WDR18: variants seen among roughly 807,000 people sequenced by gnomAD.
The protein encoded by WDR18 is WD repeat-containing protein 18.
In WDR18, 33 loss-of-function variants were observed where a neutral mutation model predicts 49.6. That is an observed-to-expected ratio of 0.67 (90% CI 0.50 to 0.89). The LOEUF is 0.89. Ranked by LOEUF, WDR18 falls within the 40% of genes least tolerant of loss-of-function variation. WDR18 has a pLI of 0.00. For missense variants in WDR18, 653 were observed against 593.6 expected (o/e 1.10, Z -1.04); for synonymous variants, 315 against 263.6 (o/e 1.19, Z -1.89).
At chr19:983,704 G>A (rs2038442337), upstream of WDR18, among the ~76,000 whole-genome samples, 1 of 152,014 alleles carries the variant, frequency 6.6e-6, no homozygotes, top group East Asian at 1.9e-4. Flanking sequence ...AGATGTTGAG[G>A]CCCCTAAAGA....
intron 4 of WDR18, 60 bp from the exon 5 acceptor site, chr19:990,792 C>T: frequency 6.5e-7 from 1 of 1,538,646 alleles, no homozygotes; most frequent in South Asian, 1.3e-5. Flanking sequence ...GCCCCTGTTC[C>T]CATGGGGTCC....
intron 7 of WDR18, 50 bp downstream of exon 7, chr19:991,401 A>T (rs2038546476): frequency 7.7e-7 from 1 of 1,293,480 alleles, no homozygotes; most frequent in Non-Finnish European, 1.0e-6. Context: ...GGAAAAAGCC[A>T]GCAGGAGCTC....
chr19:982,979 C>A (rs1957008272), upstream of WDR18, among the ~76,000 whole-genome samples: 4 of 152,188 alleles, frequency 2.6e-5, no homozygotes, highest in South Asian at 4.1e-4. Flanking sequence ...GGAGTCGCAC[C>A]GCCTCCGGGG....
chr19:989,282 C>T (rs967568415), intron 2 of WDR18, among the ~76,000 whole-genome samples: 11 of 151,212 alleles, frequency 7.3e-5, no homozygotes, highest in Admixed American at 5.3e-4. Flanking sequence ...GGCTCCCTGT[C>T]CTCTTCCTCA....
Position 991,326 on chromosome 19 carries a change from G to C in WDR18, c.906G>C (p.Gln302His). ...GCCTCTGGGACGTGCAGAGCAAGCAGTGCATCCGGACGGTGGCCCTCAAAG... is the reference window on the plus strand; with the variant it reads ...GCCTCTGGGACGTGCAGAGCAAGCACTGCATCCGGACGGTGGCCCTCAAAG... Reference protein sequence around the residue: ...TVRLWDVQSKQCIRTVALKGP... With the variant: ...TVRLWDVQSKHCIRTVALKGP... The change falls in exon 7 of 10, where the codon CAG (glutamine) becomes CAC (histidine). Residue 302 changes from glutamine to histidine, a missense_variant. Physicochemically the swap from Gln to His is conservative, Grantham distance 24. Coordinates refer to ENST00000585809, the MANE Select transcript of WDR18 (RefSeq NM_024100.4). 2.6e-6 allele frequency: 4 copies of C among 1,557,890 alleles called. No homozygotes were observed. The highest frequency in any genetic ancestry group is 3.5e-6 in the Non-Finnish European group (4 of 1,151,184).
upstream of WDR18, chr19:984,190 A>C: frequency 1.3e-6 from 1 of 751,252 alleles, no homozygotes; most frequent in South Asian, 2.2e-5. Context: ...GTCTCAGGTA[A>C]GCGGGAAATC....
At chr19:983,961 G>A (rs2038445543), upstream of WDR18, among the ~76,000 whole-genome samples, 1 of 152,150 alleles carries the variant, frequency 6.6e-6, no homozygotes, top group Admixed American at 6.6e-5. Flanking sequence ...CTCTCTTTTA[G>A]GCGCAATGTG....
Position 984,368 on chromosome 19 carries a change from G to T in WDR18, c.15G>T (p.Met5Ile). Residue 5 changes from methionine (M) to isoleucine (I), a missense_variant, in exon 1 of 10, where the codon ATG becomes ATT. By Grantham distance (10) the Met-to-Ile change is conservative. Transcript: ENST00000585809. The stretch of plus-strand genomic sequence containing the variant: ...GGGAAGGCAAGATGGCGGCGCCCAT[G>T]GAGGTGGCCGTGTGTACGGACTCGG... MAAPMEVAVCTDSAA... is the reference protein window; with the variant it reads MAAPIEVAVCTDSAA... 1.1e-5 allele frequency: 18 copies of T among 1,593,942 alleles called. No individual in the cohort carries two copies. The highest frequency in any genetic ancestry group is 1.5e-5 in the Non-Finnish European group (18 of 1,172,492).
At position 994,502 on chromosome 19, in the gene WDR18, C is replaced by G; in HGVS notation, c.*158C>G. The G allele has an allele frequency of 9.6e-7, 1 of 1,036,776 alleles. No homozygotes were observed. Among genetic ancestry groups the G allele is most frequent in the Non-Finnish European group, 1.4e-6 (1 of 734,390 alleles). The allele number at this position is 1,036,776 out of a possible 1,614,324, so 64.2% of individuals were successfully genotyped here. ...CTGTGACTGGGCCGTCTTGGTGTCT[C>G]GTGGCACGCGTCACAGTGGTGCTAG... On this transcript the variant is annotated 3_prime_UTR_variant, in exon 10 of 10. Coordinates refer to ENST00000585809, the MANE Select transcript of WDR18 (RefSeq NM_024100.4).
chr19:990,450 C>A, intron 4 of WDR18, 86 bp downstream of exon 4: 1 of 1,422,578 alleles, frequency 7.0e-7, no homozygotes. Flanking sequence ...TCGCCTCCTC[C>A]CGCTCCCTGC....
rs766574043 is a variant in WDR18 at position 990,832 on chromosome 19, C to G, written c.598-20C>G. ...GTTCCCCCTGCCGGGCCGAGCCCCA[C>G]GCCCTTTGCCCACCCGCAGCTATGG... On this transcript the variant is annotated intron_variant, in intron 4 of 9. Coordinates refer to ENST00000585809, the MANE Select transcript of WDR18 (RefSeq NM_024100.4). 1.3e-5 allele frequency: 20 copies of G among 1,585,376 alleles called. No individual in the cohort carries two copies. The highest frequency in any genetic ancestry group is 1.6e-5 in the Non-Finnish European group (19 of 1,164,472).
In WDR18 at chr19:994,294, C is replaced by T. The variant is rs767939373; in HGVS notation, c.1249C>T (p.Arg417Trp). ...GGTGCGCAACCTGCGCAAGATCAAT[C>T]GGGACCTGTTCGACTTCTCCACGCG... ...DEVRNLRKIN[R>W]DLFDFSTRFI... Residue 417 changes from arginine to tryptophan, a missense_variant, in exon 10 of 10, where the codon CGG becomes TGG. Physicochemically the swap from Arg to Trp is moderately radical, Grantham distance 101. Coordinates refer to ENST00000585809, the MANE Select transcript of WDR18 (RefSeq NM_024100.4). The T allele has an allele frequency of 2.5e-6, 4 of 1,611,114 alleles. No homozygotes were observed. The highest frequency in any genetic ancestry group is 2.2e-5 in the East Asian group (1 of 44,832).
chr19:990,581 C>T (rs2038532251), intron 4 of WDR18: 1 of 857,508 alleles, frequency 1.2e-6, no homozygotes, highest in South Asian at 2.0e-5. Context: ...CCTGGCCAAG[C>T]CTGGGGAATC....
intron 1 of WDR18, among the ~76,000 whole-genome samples, chr19:985,194 C>T (rs1279230798): frequency 6.6e-6 from 1 of 152,162 alleles, no homozygotes; most frequent in East Asian, 1.9e-4. Context: ...GAGACAGGGT[C>T]TCACTCTGTC....
intron 2 of WDR18, among the ~76,000 whole-genome samples, chr19:988,451 G>A (rs946072130): frequency 6.6e-6 from 1 of 152,186 alleles, no homozygotes; most frequent in South Asian, 2.1e-4. Flanking sequence ...CTGTGGTTTG[G>A]GGCTGACCTG....
chr19:986,090 TC>T (rs1192556922), intron 2 of WDR18, 115 bp downstream of exon 2: 5 of 935,906 alleles, frequency 5.3e-6, no homozygotes, highest in Non-Finnish European at 6.6e-6. Context: ...GGGTGACTGC[TC>T]AGGGGTTATA....
rs1368130503 is a variant in WDR18, at chr19:992,005, T to A, written c.982T>A (p.Ser328Thr). Residue 328 changes from serine to threonine, a missense_variant, in exon 8 of 10, where the codon TCA (serine) becomes ACA (threonine). By Grantham distance (58) the Ser-to-Thr change is moderately conservative. Transcript: ENST00000585809. ...ILLAPVSMLSSDFRPSLPLPH... is the reference protein window; with the variant it reads ...ILLAPVSMLSTDFRPSLPLPH... ...GCTGGCGCCCGTCAGCATGCTGAGC[T>A]CAGACTTCAGGCCCAGCCTGCCGCT... 6.3e-7 allele frequency: 1 copy of A among 1,597,808 alleles called. No individual in the cohort carries two copies. Among genetic ancestry groups the A allele is most frequent in the East Asian group, 2.3e-5 (1 of 43,880 alleles).
upstream of WDR18, among the ~76,000 whole-genome samples, chr19:983,450 C>A (rs1288182488): frequency 6.6e-6 from 1 of 151,784 alleles, no homozygotes; most frequent in African/African-American, 2.4e-5. Flanking sequence ...TTTGTAAAGA[C>A]GGGGTTTCGC....
intron 8 of WDR18, 131 bp downstream of exon 8, chr19:992,252 T>C: frequency 8.7e-7 from 1 of 1,154,814 alleles, no homozygotes; most frequent in Non-Finnish European, 1.1e-6. Flanking sequence ...GGAGGGCGCG[T>C]CCTGTGAGTG....
Sources: gnomAD v4.1 joint callset for allele counts (sites outside exome capture counted in the v4.1 genomes callset) on GRCh38, gnomAD v4.1.1 for gene constraint, MANE v1.5 for transcripts, NCBI Gene and HGNC (gene_info 2026-07-23, HGNC 2026-07-21) for gene names.